Variants in ABCA6 observed in about 807,000 individuals in gnomAD.
The protein encoded by ABCA6 is ATP binding cassette subfamily A member 6, also known as ATP-binding cassette sub-family A member 6.
In ABCA6, 164 loss-of-function variants were observed where a neutral mutation model predicts 191.2. The ratio of observed to expected loss-of-function variants is 0.86; its 90% CI spans 0.76 to 0.98. The LOEUF is 0.98. Among genes scored for constraint, ABCA6 ranks in the 50% least tolerant of loss-of-function variants. ABCA6 has a pLI of 0.00. For missense variants in ABCA6, 1,958 were observed against 1,894.1 expected (o/e 1.03, Z -0.63); for synonymous variants, 636 against 647.7 (o/e 0.98, Z 0.27).
At chr17:69,096,578 TTTA>T in intron 24 of ABCA6, 47 bp downstream of exon 24, 1 of 1,266,656 alleles carries the variant, frequency 7.9e-7, no homozygotes, top group Non-Finnish European at 1.0e-6. Context: ...AATGTTAAAA[TTTA>T]TTATTAATTA....
chr17:69,115,627 A>T (rs1191091832), intron 11 of ABCA6, 141 bp from the exon 12 acceptor site: 2 of 509,574 alleles, frequency 3.9e-6, no homozygotes, highest in East Asian at 6.1e-5. Flanking sequence ...ATACACAATG[A>T]TCAATATTTT....
At position 69,114,755 on chromosome 17, in the gene ABCA6, C is replaced by G; in HGVS notation, c.1782+7G>C. 1 of 1,604,760 alleles carries G rather than the reference C, an allele frequency of 6.2e-7. No homozygotes were observed. The highest frequency in any genetic ancestry group is 8.5e-7 in the Non-Finnish European group (1 of 1,175,808). ...GCAGGTCAGTTAATCCAAGCATGCC[C>G]TCCTACCTCTTGTTCCACTTCCTTT... On this transcript the variant is annotated splice_region_variant and intron_variant, in intron 13 of 38. Coordinates refer to ENST00000284425, the MANE Select transcript of ABCA6 (RefSeq NM_080284.3).
chr17:69,083,353 A>C (rs1355920186), intron 34 of ABCA6, 22 bp from the exon 35 acceptor site: 1 of 1,553,792 alleles, frequency 6.4e-7, no homozygotes, highest in Admixed American at 2.3e-5. Flanking sequence ...AAAAAAATTA[A>C]CAGTATTTAA....
intron 25 of ABCA6, chr17:69,094,629 T>C: frequency 6.0e-6 from 1 of 166,326 alleles, no homozygotes; most frequent in Non-Finnish European, 1.4e-5. Context: ...CTGAGGTATG[T>C]TTCTATCACT....
At chr17:69,090,006 G>A (rs149032784) in intron 26 of ABCA6, among the ~76,000 whole-genome samples, 20 of 152,198 alleles carry the variant, frequency 1.3e-4, no homozygotes, top group South Asian at 8.3e-4. Flanking sequence ...GTTCCAGCAC[G>A]TTATTCTTTC....
intron 18 of ABCA6, among the ~76,000 whole-genome samples, chr17:69,107,011 A>T (rs527338426): frequency 6.6e-6 from 1 of 152,278 alleles, no homozygotes; most frequent in South Asian, 2.1e-4. Context: ...TTACACCTAA[A>T]TATCTACTAC....
Position 69,123,326 on chromosome 17 carries a change from A to G in ABCA6, c.1349T>C (p.Val450Ala). 6.3e-7 allele frequency: 1 copy of G among 1,578,434 alleles called. No homozygotes were observed. Among genetic ancestry groups the G allele is most frequent in the Non-Finnish European group, 8.6e-7 (1 of 1,157,724 alleles). ...CFQHQRTNAK[V>A]IEKEIDAEHP... ...CTCAGCATCGATTTCTTTCTCAATA[A>G]CCTTAGCATTAGTCCTTTGGTGTTG... The change falls in exon 10 of 39, where the codon GTT becomes GCT. Residue 450 changes from valine (V) to alanine (A), a missense_variant. By Grantham distance (64) the Val-to-Ala change is moderately conservative. Transcript: ENST00000284425.
rs2073988285 is a variant in ABCA6 at position 69,138,894 on chromosome 17, T to G, written c.97-1394A>C. On this transcript the variant is annotated intron_variant, in intron 2 of 38. Coordinates refer to ENST00000284425, the MANE Select transcript of ABCA6 (RefSeq NM_080284.3). The stretch of plus-strand genomic sequence containing the variant: ...GTGCTGGGAAAACTGGCTAGCCATG[T>G]GTAGAAAGCTGAAACTGGATCCCTT... 2.0e-5 allele frequency among the ~76,000 whole-genome samples: 3 copies of G among 152,022 alleles called. No individual in the cohort carries two copies. The South Asian group carries it at 6.2e-4, about 32-fold the overall frequency.
At position 69,096,776 on chromosome 17, in the gene ABCA6, A is replaced by G; in HGVS notation, c.3146T>C (p.Ile1049Thr). The change falls in exon 24 of 39, where the codon ATT (isoleucine) becomes ACT (threonine). Residue 1049 changes from isoleucine to threonine, a missense_variant. Transcript: ENST00000284425. The stretch of plus-strand genomic sequence containing the variant: ...GTAAGCAGAAGTGTAGAGGCCTGAA[A>G]TCCATAGCTGGGACTTAGCATTTTT... ...YKKNAKSQLW[I>T]SGLYTSAYWC... 2 of 1,543,112 alleles carry G rather than the reference A, an allele frequency of 1.3e-6. No individual in the cohort carries two copies.
chr17:69,105,395 C>G (rs973463092), intron 20 of ABCA6, 67 bp downstream of exon 20: 2 of 1,420,690 alleles, frequency 1.4e-6, no homozygotes, highest in Non-Finnish European at 1.9e-6. Context: ...TTCCCCCCCC[C>G]ACCTCCTGTG....
rs1022743819 is a variant in ABCA6 at position 69,138,883 on chromosome 17, G to A, written c.97-1383C>T. ...TTTAATAAATGGTGCTGGGAAAACT[G>A]GCTAGCCATGTGTAGAAAGCTGAAA... On this transcript the variant is annotated intron_variant, in intron 2 of 38. Coordinates refer to ENST00000284425, the MANE Select transcript of ABCA6 (RefSeq NM_080284.3). 4.3e-3 allele frequency among the ~76,000 whole-genome samples: 655 copies of A among 151,942 alleles called. 3 individuals are homozygous for A. Among genetic ancestry groups the A allele is most frequent in the African/African-American group, 0.015 (619 of 41,470 alleles).
At chr17:69,121,152 C>A (rs746205854) in intron 10 of ABCA6, among the ~76,000 whole-genome samples, 1 of 151,964 alleles carries the variant, frequency 6.6e-6, no homozygotes, top group South Asian at 2.1e-4. Context: ...AGAATTCACA[C>A]GTTGGAATTG....
chr17:69,131,693 T>G (rs956850317), intron 6 of ABCA6, among the ~76,000 whole-genome samples: 3 of 152,232 alleles, frequency 2.0e-5, no homozygotes, highest in Admixed American at 1.3e-4. Flanking sequence ...CTGCACTTAG[T>G]AGAAACATTT....
At chr17:69,085,541 G>C (rs935789657) in intron 31 of ABCA6, 84 bp downstream of exon 31, 7 of 662,724 alleles carry the variant, frequency 1.1e-5, no homozygotes, top group Non-Finnish European at 1.5e-5. Flanking sequence ...AAAAAGAAAA[G>C]AAAAATAGTA....
intron 8 of ABCA6, among the ~76,000 whole-genome samples, chr17:69,125,380 G>A (rs552027248): frequency 3.3e-5 from 5 of 151,798 alleles, no homozygotes; most frequent in Non-Finnish European, 7.4e-5. Flanking sequence ...ATTCTTGGAC[G>A]CCTTTAATTA....
chr17:69,115,350 C>G (rs1316023302), intron 12 of ABCA6, 26 bp downstream of exon 12: 2 of 1,554,416 alleles, frequency 1.3e-6, no homozygotes, highest in Admixed American at 3.4e-5. Flanking sequence ...AGACATCTTG[C>G]CTTTGAGAAA....
Position 69,129,662 on chromosome 17 carries a change from A to G in ABCA6, c.881T>C (p.Met294Thr), listed in dbSNP as rs372297043. ...TATAAATATGACCATGAAGCCAGTCATGACTATAATTTGGGTGAATGTTAT... is the reference window on the plus strand; with the variant it reads ...TATAAATATGACCATGAAGCCAGTCGTGACTATAATTTGGGTGAATGTTAT... ...IIITFTQIIV[M>T]TGFMVIFILF... The change falls in exon 7 of 39, where the codon ATG becomes ACG. Residue 294 changes from methionine (M) to threonine (T), a missense_variant. By Grantham distance (81) the Met-to-Thr change is moderately conservative. Coordinates refer to ENST00000284425, the MANE Select transcript of ABCA6 (RefSeq NM_080284.3). 2.9e-5 allele frequency: 46 copies of G among 1,605,730 alleles called. No individual in the cohort carries two copies. In the African/African-American group the frequency reaches 5.9e-4, roughly 21 times the overall value.
chr17:69,087,561 T>G (rs2072829950), intron 28 of ABCA6, 88 bp from the exon 29 acceptor site: 2 of 1,525,284 alleles, frequency 1.3e-6, no homozygotes, highest in Admixed American at 3.5e-5. Context: ...TTTACTACTG[T>G]CCTCTTCTCT....
chr17:69,105,757 G>A (rs2073287515), intron 19 of ABCA6, 129 bp from the exon 20 acceptor site: 3 of 807,330 alleles, frequency 3.7e-6, no homozygotes, highest in Non-Finnish European at 5.8e-6. Context: ...CTAAAATTCT[G>A]AAGATAATAC....
Sources: allele counts gnomAD v4.1 joint callset (sites outside exome capture counted in the v4.1 genomes callset), GRCh38; gene constraint gnomAD v4.1.1; transcripts MANE v1.5; gene names NCBI Gene and HGNC (gene_info 2026-07-23, HGNC 2026-07-21).